IL5RA: variants seen among roughly 807,000 people sequenced by gnomAD.
The protein encoded by IL5RA is interleukin-5 receptor subunit alpha.
IL5RA carries 49 observed loss-of-function variants against 50.0 expected under a neutral mutation model. The ratio of observed to expected loss-of-function variants is 0.98; its 90% CI spans 0.78 to 1.24. The LOEUF (loss-of-function observed/expected upper bound fraction) is 1.24. IL5RA is among the 50% of genes most tolerant of loss of function. IL5RA has a pLI of 0.00. For missense variants in IL5RA, 600 were observed against 500.4 expected, an observed-to-expected ratio of 1.20 and a Z score of -1.90; for synonymous variants, 202 against 174.0, an observed-to-expected ratio of 1.16 and a Z score of -1.26.
intron 5 of IL5RA, among the ~76,000 whole-genome samples, chr3:3,099,694 C>G (rs539864938): frequency 5.4e-5 from 5 of 93,250 alleles, no homozygotes; most frequent in Non-Finnish European, 9.1e-5. Flanking sequence ...TATTTGGAAA[C>G]AGAGTCATTC....
intron 9 of IL5RA, chr3:3,090,372 C>G: frequency 2.7e-6 from 2 of 735,508 alleles, no homozygotes; most frequent in East Asian, 2.6e-5. Flanking sequence ...CCATCCCATG[C>G]TCTTATAGAC....
intron 9 of IL5RA, among the ~76,000 whole-genome samples, chr3:3,090,518 A>G (rs1703042117): frequency 6.7e-6 from 1 of 150,208 alleles, no homozygotes; most frequent in African/African-American, 2.5e-5. Flanking sequence ...AAACACCTGG[A>G]TAATAGCAAA....
chr3:3,092,918 T>C lies in IL5RA; in HGVS notation c.856-556A>G, dbSNP rs549471091. ...CTTTTTTACTCCAGCCCTGTGACCATTGCCTATTTTAGCTCTTATTATCTT... is the reference window on the plus strand; with the variant it reads ...CTTTTTTACTCCAGCCCTGTGACCACTGCCTATTTTAGCTCTTATTATCTT... On this transcript the variant is annotated intron_variant, in intron 8 of 11. Coordinates refer to ENST00000446632, the MANE Select transcript of IL5RA (RefSeq NM_175726.4). This position sits in a 1 kb window ranked among gnomAD's most constrained non-coding sequence, Gnocchi z 4.2. 8.5e-5 allele frequency among the ~76,000 whole-genome samples: 13 copies of C among 152,234 alleles called. No homozygotes were observed. The South Asian group carries it at 2.3e-3, about 27-fold the overall frequency.
At chr3:3,090,643 T>G (rs1384148119) in intron 9 of IL5RA, among the ~76,000 whole-genome samples, 2 of 147,626 alleles carry the variant, frequency 1.4e-5, no homozygotes. Context: ...CTCGGCTCAC[T>G]GCAAGCTCCG....
At chr3:3,074,004 C>G (rs1316443177) in intron 11 of IL5RA, among the ~76,000 whole-genome samples, 2 of 152,206 alleles carry the variant, frequency 1.3e-5, no homozygotes, top group Non-Finnish European at 2.9e-5. Flanking sequence ...CATACAGCAA[C>G]TAATTTCCTA....
chr3:3,093,006 C>A (rs1703197720), intron 8 of IL5RA, among the ~76,000 whole-genome samples: 1 of 152,162 alleles, frequency 6.6e-6, no homozygotes, highest in African/African-American at 2.4e-5. Context: ...CCTCCCCACT[C>A]ACATCCAGTT....
At chr3:3,100,754 AT>A (rs1703607602) in intron 5 of IL5RA, among the ~76,000 whole-genome samples, 1 of 152,180 alleles carries the variant, frequency 6.6e-6, no homozygotes, top group African/African-American at 2.4e-5. Context: ...GCCACATACA[AT>A]AACCCATCTC....
rs925717407 is a variant in IL5RA, at chr3:3,101,898, A to C, written c.229-68T>G. The C allele has an allele frequency of 2.9e-6, 4 of 1,378,106 alleles. No individual in the cohort carries two copies. In the African/African-American group the frequency reaches 5.8e-5, roughly 20 times the overall value. The allele number at this position is 1,378,106 out of a possible 1,614,324, so 85.4% of individuals were successfully genotyped here. ...AGACTTAAGAGAGCTATTTTAATCAAATATGCATTTTCTTCTACTTTTTAA... is the reference window on the plus strand; with the variant it reads ...AGACTTAAGAGAGCTATTTTAATCACATATGCATTTTCTTCTACTTTTTAA... On this transcript the variant is annotated intron_variant, in intron 4 of 11. Transcript: ENST00000446632.
At position 3,092,143 on chromosome 3, in the gene IL5RA, G is replaced by A. The variant is rs571272234; in HGVS notation, c.994+81C>T. On this transcript the variant is annotated intron_variant, in intron 9 of 11. Transcript: ENST00000446632. This position sits in a 1 kb window ranked among gnomAD's most constrained non-coding sequence, Gnocchi z 4.2. ...GATATGAAACCATTTTAAGACCCAC[G>A]AGTGAACGGGTACGTTTCTGGGATT... The A allele has an allele frequency of 6.9e-5, 107 of 1,556,994 alleles. No individual in the cohort carries two copies. In the African/African-American group the frequency reaches 1.2e-3, roughly 18 times the overall value.
intron 7 of IL5RA, among the ~76,000 whole-genome samples, chr3:3,095,793 C>T (rs1476836086): frequency 6.6e-6 from 1 of 152,142 alleles, no homozygotes; most frequent in Non-Finnish European, 1.5e-5. Context: ...TAAACCTGAC[C>T]ACTGAGAGAA....
chr3:3,079,957 C>G (rs1437632713), intron 9 of IL5RA, among the ~76,000 whole-genome samples: 1 of 151,986 alleles, frequency 6.6e-6, no homozygotes, highest in Non-Finnish European at 1.5e-5. Flanking sequence ...TCCCTTGAAC[C>G]TAGGAGGCAG....
At chr3:3,070,350 G>A (rs561880807) in intron 11 of IL5RA, 39 bp from the exon 12 acceptor site, 2 of 1,342,554 alleles carry the variant, frequency 1.5e-6, no homozygotes, top group Admixed American at 1.8e-5. Flanking sequence ...GTCTTTTAGA[G>A]AACTTTTGGG....
chr3:3,105,078 G>C (rs918736604), intron 2 of IL5RA, 91 bp from the exon 3 acceptor site: 1 of 815,614 alleles, frequency 1.2e-6, no homozygotes, highest in African/African-American at 1.7e-5. Flanking sequence ...GCAGTCGTTT[G>C]GCCATTTAAC....
intron 11 of IL5RA, among the ~76,000 whole-genome samples, chr3:3,073,058 C>A (rs1356442029): frequency 6.6e-6 from 1 of 152,152 alleles, no homozygotes; most frequent in Non-Finnish European, 1.5e-5. Flanking sequence ...AGCAGATGGG[C>A]CATTCCCCTG....
chr3:3,079,282 G>T (rs1057178075), intron 9 of IL5RA, among the ~76,000 whole-genome samples: 8 of 152,102 alleles, frequency 5.3e-5, no homozygotes, highest in Admixed American at 6.5e-5. Context: ...AACCTGCTCG[G>T]ATGTTTCTCA....
At chr3:3,078,569 C>T (rs1702561943) in intron 9 of IL5RA, among the ~76,000 whole-genome samples, 1 of 152,230 alleles carries the variant, frequency 6.6e-6, no homozygotes, top group South Asian at 2.1e-4. Flanking sequence ...TGCGGTGGCT[C>T]ACGCCTGTAA....
chr3:3,081,921 G>T (rs1349228468), intron 9 of IL5RA, among the ~76,000 whole-genome samples: 1 of 152,184 alleles, frequency 6.6e-6, no homozygotes, highest in South Asian at 2.1e-4. Flanking sequence ...GTTGAAAACA[G>T]AACTAACCCC....
chr3:3,076,486 G>C, intron 10 of IL5RA, 45 bp downstream of exon 10: 2 of 1,202,862 alleles, frequency 1.7e-6, no homozygotes, highest in South Asian at 2.5e-5. Flanking sequence ...TAAAAATGCA[G>C]TACTGAAACC....
intron 2 of IL5RA, among the ~76,000 whole-genome samples, chr3:3,107,138 C>T (rs1414594549): frequency 6.6e-6 from 1 of 151,962 alleles, no homozygotes; most frequent in African/African-American, 2.4e-5. Context: ...AAATAGACAG[C>T]TTTTTCATGT....
Sources: allele counts gnomAD v4.1 joint callset (sites outside exome capture counted in the v4.1 genomes callset), GRCh38; gene constraint gnomAD v4.1.1; non-coding constraint Gnocchi (gnomAD v3.1); transcripts MANE v1.5; gene names NCBI Gene and HGNC (gene_info 2026-07-23, HGNC 2026-07-21).